PRRG4: variants seen among roughly 807,000 people sequenced by gnomAD.
The protein encoded by PRRG4 is proline rich and Gla domain 4.
PRRG4 carries 12 observed loss-of-function variants against 20.0 expected under a neutral mutation model. The observed-to-expected ratio is 0.60, with a 90% CI of 0.38 to 0.97. The LOEUF is 0.97. Among genes scored for constraint, PRRG4 ranks in the 50% least tolerant of loss-of-function variants. PRRG4 has a pLI of 0.00. For synonymous variants in PRRG4, 94 were observed against 96.4 expected, an observed-to-expected ratio of 0.98 and a Z score of 0.15; for missense variants, 199 against 265.1, an observed-to-expected ratio of 0.75 and a Z score of 1.73.
rs1182955829 is a variant in PRRG4, at chr11:32,854,947, CCT to C, written c.*1421_*1422del. The C allele has an allele frequency of 2.0e-5, 3 of 152,036 alleles. No homozygotes were observed. Among genetic ancestry groups the C allele is most frequent in the Non-Finnish European group, 4.4e-5 (3 of 68,012 alleles). The allele number at this position is 152,036 out of a possible 1,614,324, so 9.4% of individuals were successfully genotyped here. A position where few individuals can be genotyped will look rare whatever the true frequency, so the allele number is the denominator to read the frequency against. ...GACACTAGAACTTAATGAAGTTGCC[CCT>C]GTTACTGATTAGTAAATACTCCCAT... is the stretch of plus-strand genomic sequence containing the variant. On this transcript the variant is annotated 3_prime_UTR_variant, in exon 6 of 6. Coordinates refer to ENST00000257836, the MANE Select transcript of PRRG4 (RefSeq NM_024081.6).
intron 3 of PRRG4, among the ~76,000 whole-genome samples, chr11:32,838,405 A>G (rs529338905): frequency 2.6e-4 from 39 of 151,934 alleles, no homozygotes; most frequent in Non-Finnish European, 4.6e-4. Context: ...GCAGTGAGCC[A>G]TGATCACACC....
chr11:32,846,362 T>C (rs1025332090), intron 5 of PRRG4, among the ~76,000 whole-genome samples: 1 of 151,966 alleles, frequency 6.6e-6, no homozygotes, highest in African/African-American at 2.4e-5. Context: ...ACTTGGGAAA[T>C]GTTGTATAAT....
At chr11:32,852,652 A>G (rs1295851960) in intron 5 of PRRG4, among the ~76,000 whole-genome samples, 3 of 152,072 alleles carry the variant, frequency 2.0e-5, no homozygotes, top group Non-Finnish European at 1.5e-5. Context: ...CATCTTGCTC[A>G]ATCCACACAA....
At position 32,857,071 on chromosome 11, in the gene PRRG4, A is replaced by G. The variant is rs1168383898; in HGVS notation, c.*3544A>G. 6.6e-6 allele frequency: 1 copy of G among 152,362 alleles called. No homozygotes were observed. The highest frequency in any genetic ancestry group is 1.5e-5 in the Non-Finnish European group (1 of 68,382). The allele number at this position is 152,362 out of a possible 1,614,324, so 9.4% of individuals were successfully genotyped here. A position where few individuals can be genotyped will look rare whatever the true frequency, so the allele number is the denominator to read the frequency against. ...GGTCTCTAACTCCTGAGCTCAAGGA[A>G]TCCACCCACCTCGGCCTCCCAAAGT... On this transcript the variant is annotated 3_prime_UTR_variant, in exon 6 of 6. Coordinates refer to ENST00000257836, the MANE Select transcript of PRRG4 (RefSeq NM_024081.6).
rs773799371 is a variant in PRRG4 at position 32,836,620 on chromosome 11, T to A, written c.104-38T>A. The A allele has an allele frequency of 3.1e-6, 4 of 1,270,274 alleles. No homozygotes were observed. The Admixed American group carries it at 8.5e-5, about 27-fold the overall frequency. The allele number at this position is 1,270,274 out of a possible 1,614,324, so 78.7% of individuals were successfully genotyped here. A position where few individuals can be genotyped will look rare whatever the true frequency, so the allele number is the denominator to read the frequency against. The stretch of plus-strand genomic sequence containing the variant: ...TTAAAACAGGAATTTTTTGACTATA[T>A]TTGATCAATGTTTAAGTCTTTTTCA... On this transcript the variant is annotated intron_variant, in intron 2 of 5. Transcript: ENST00000257836.
chr11:32,830,494 T>G lies in PRRG4; in HGVS notation c.-22-14T>G. The G allele has an allele frequency of 7.0e-7, 1 of 1,429,068 alleles. No homozygotes were observed. The highest frequency in any genetic ancestry group is 9.2e-7 in the Non-Finnish European group (1 of 1,084,280). The allele number at this position is 1,429,068 out of a possible 1,614,324, so 88.5% of individuals were successfully genotyped here. On this transcript the variant is annotated splice_polypyrimidine_tract_variant and intron_variant, in intron 1 of 5. Transcript: ENST00000257836. Reference sequence around the variant, plus strand: ...GGGCCTTTTTTTTTTAATATTTTTTTTTGTTTGTTTTAGTTTGTTTGACAG... The same window carrying G: ...GGGCCTTTTTTTTTTAATATTTTTTGTTGTTTGTTTTAGTTTGTTTGACAG...
At chr11:32,841,084 G>A (rs199623211) in intron 5 of PRRG4, among the ~76,000 whole-genome samples, 1 of 143,144 alleles carries the variant, frequency 7.0e-6, no homozygotes, top group East Asian at 2.2e-4. Flanking sequence ...AAAAAAAAAA[G>A]CAGCAGATGC....
rs975282542 is a variant in PRRG4 at position 32,840,749 on chromosome 11, A to T, written c.449+510A>T. Among the ~76,000 whole-genome samples the T allele has an allele frequency of 6.6e-6, 1 of 152,226 alleles. No individual in the cohort carries two copies. The highest frequency in any genetic ancestry group is 2.4e-5 in the African/African-American group (1 of 41,458). On this transcript the variant is annotated intron_variant, in intron 5 of 5. Transcript: ENST00000257836. The surrounding 1 kb of genome is among the most constrained non-coding windows in gnomAD (Gnocchi z 4.1). ...TTTCCTTCTTAAGCAAGAGGCAGAT[A>T]CCAGTGTCTTCACATTATTTCCAGA...
In PRRG4 at chr11:32,834,554, C is replaced by A. The variant is rs1851002480; in HGVS notation, c.104-2104C>A. Among the ~76,000 whole-genome samples the A allele has an allele frequency of 1.3e-5, 2 of 151,992 alleles. 1 individual carries two copies. Among genetic ancestry groups the A allele is most frequent in the South Asian group, 4.1e-4 (2 of 4,820 alleles). On this transcript the variant is annotated intron_variant, in intron 2 of 5. Transcript: ENST00000257836. ...ACACTGTAGAATATTGCTGCTCCCCCAAAATATAATGTGAACTACATACAT... is the reference window on the plus strand; with the variant it reads ...ACACTGTAGAATATTGCTGCTCCCCAAAAATATAATGTGAACTACATACAT...
At chr11:32,836,008 A>G (rs1445546046) in intron 2 of PRRG4, among the ~76,000 whole-genome samples, 1 of 152,096 alleles carries the variant, frequency 6.6e-6, no homozygotes, top group Non-Finnish European at 1.5e-5. Context: ...AGGCTGAGGC[A>G]AGAGAATCAC....
chr11:32,831,013 C>A (rs545475389), intron 2 of PRRG4, among the ~76,000 whole-genome samples: 3 of 152,078 alleles, frequency 2.0e-5, no homozygotes, highest in African/African-American at 7.2e-5. Context: ...TCTGGACTTG[C>A]GAGACCCTGG....
Position 32,857,578 on chromosome 11 carries a change from C to T in PRRG4, c.*4051C>T, listed in dbSNP as rs996132930. On this transcript the variant is annotated 3_prime_UTR_variant, in exon 6 of 6. Transcript: ENST00000257836. Reference sequence around the variant, plus strand: ...CAAGTTTGCCTCTAAAATTCTAATCCATATTTTTCTACTTCTCAGATAATT... The same window carrying T: ...CAAGTTTGCCTCTAAAATTCTAATCTATATTTTTCTACTTCTCAGATAATT... 1 of 152,210 alleles carries T rather than the reference C, an allele frequency of 6.6e-6. No homozygotes were observed. The highest frequency in any genetic ancestry group is 1.5e-5 in the Non-Finnish European group (1 of 68,040). 9.4% of individuals were successfully genotyped at this position (152,210 alleles called of 1,614,324 possible). A position where few individuals can be genotyped will look rare whatever the true frequency, so the allele number is the denominator to read the frequency against.
At position 32,829,946 on chromosome 11, in the gene PRRG4, G is replaced by C. The variant is rs934764421; in HGVS notation, c.-250G>C. 200 of 985,518 alleles carry C rather than the reference G, an allele frequency of 2.0e-4. No individual in the cohort carries two copies. The highest frequency in any genetic ancestry group is 2.3e-4 in the Non-Finnish European group (191 of 830,102). 61.0% of individuals were successfully genotyped at this position (985,518 alleles called of 1,614,324 possible). ...CCCGTCCTCCGTCGGCCGCCTCCCC[G>C]GACCGAGGCAGGACCTCACCCCGCG... On this transcript the variant is annotated 5_prime_UTR_variant, in exon 1 of 6. Coordinates refer to ENST00000257836, the MANE Select transcript of PRRG4 (RefSeq NM_024081.6).
At chr11:32,829,797 G>A, upstream of PRRG4, 1 of 985,408 alleles carries the variant, frequency 1.0e-6, no homozygotes, top group Non-Finnish European at 1.2e-6. Flanking sequence ...GCAGAAGCTG[G>A]GGCGGCTGAG....
chr11:32,846,162 A>G (rs1289851960), intron 5 of PRRG4, among the ~76,000 whole-genome samples: 1 of 151,992 alleles, frequency 6.6e-6, no homozygotes, highest in Non-Finnish European at 1.5e-5. Flanking sequence ...CTGTCTTAAT[A>G]ATAAAAAATA....
chr11:32,837,538 GATGATTATTATTATTATTATT>G (rs1433257385), intron 3 of PRRG4, among the ~76,000 whole-genome samples: 1 of 90,940 alleles, frequency 1.1e-5, no homozygotes, highest in Non-Finnish European at 2.3e-5. Flanking sequence ...TGATGATGAT[GATGATTATTATTATTATTATT>G]ATTATTATTA....
chr11:32,836,521 T>C (rs1021952694), intron 2 of PRRG4, 137 bp from the exon 3 acceptor site: 6 of 439,554 alleles, frequency 1.4e-5, no homozygotes, highest in African/African-American at 1.2e-4. Flanking sequence ...TTTTTTGGGT[T>C]AGATTTTAAA....
At chr11:32,837,143 A>T (rs546926604) in intron 3 of PRRG4, among the ~76,000 whole-genome samples, 243 of 152,234 alleles carry the variant, frequency 1.6e-3, no homozygotes, top group Middle Eastern at 0.014. Context: ...TCAATCATTT[A>T]TGGCGGAGTG....
chr11:32,852,821 TG>T (rs1851194824), intron 5 of PRRG4, among the ~76,000 whole-genome samples: 1 of 150,606 alleles, frequency 6.6e-6, no homozygotes. Flanking sequence ...CCCCCGAGGC[TG>T]GGGTGCAGTG....
Sources: allele counts gnomAD v4.1 joint callset (sites outside exome capture counted in the v4.1 genomes callset), GRCh38; gene constraint gnomAD v4.1.1; non-coding constraint Gnocchi (gnomAD v3.1); transcripts MANE v1.5; gene names NCBI Gene and HGNC (gene_info 2026-07-23, HGNC 2026-07-21).